The following EAF2 variants were observed in gnomAD, a reference collection of about 807,000 sequenced individuals.
EAF2 encodes the protein ELL associated factor 2.
EAF2 carries 29 observed loss-of-function variants against 29.4 expected under a neutral mutation model. That is an observed-to-expected ratio of 0.99 (90% CI 0.73 to 1.35). The LOEUF (loss-of-function observed/expected upper bound fraction) is 1.35, where lower values mean the gene tolerates loss of function less well. Ranked by LOEUF, EAF2 falls within the 40% of genes most tolerant of loss-of-function variation. EAF2 has a pLI of 0.00. For missense variants in EAF2, 292 were observed against 312.0 expected (o/e 0.94, Z 0.48); for synonymous variants, 103 against 102.5 (o/e 1.00, Z -0.03).
At chr3:121,872,834 G>A in intron 5 of EAF2, 46 bp downstream of exon 5, 1 of 1,577,128 alleles carries the variant, frequency 6.3e-7, no homozygotes, top group Non-Finnish European at 8.6e-7. Flanking sequence ...AGAATTTATA[G>A]TGGAGCCATA....
intron 5 of EAF2, among the ~76,000 whole-genome samples, chr3:121,880,504 A>G (rs1244252177): frequency 6.8e-6 from 1 of 147,976 alleles, no homozygotes; most frequent in Non-Finnish European, 1.5e-5. Context: ...AGCTATTATA[A>G]ATGGGAATGC....
chr3:121,869,659 T>C (rs970410924), intron 4 of EAF2, among the ~76,000 whole-genome samples: 7 of 152,116 alleles, frequency 4.6e-5, no homozygotes, highest in Admixed American at 2.0e-4. Flanking sequence ...AGAGGGTTGC[T>C]TGAGCCCGGG....
At chr3:121,842,024 A>T (rs12486310) in intron 1 of EAF2, among the ~76,000 whole-genome samples, 15,576 of 151,810 alleles carry the variant, frequency 0.1, 842 homozygotes, top group South Asian at 0.16. Context: ...AAAAAATAAA[A>T]AAATAAAAAA....
At chr3:121,838,381 C>G (rs3805129) in intron 1 of EAF2, among the ~76,000 whole-genome samples, 18,513 of 152,102 alleles carry the variant, frequency 0.12, 1,269 homozygotes, top group African/African-American at 0.17. Flanking sequence ...TAGAAGCATA[C>G]AGAAAGTATG....
At chr3:121,866,384 T>C (rs1282874842) in intron 4 of EAF2, among the ~76,000 whole-genome samples, 11 of 152,074 alleles carry the variant, frequency 7.2e-5, no homozygotes, top group Admixed American at 7.2e-4. Flanking sequence ...GAATAAGATA[T>C]AGATCTCCCC....
In EAF2 at chr3:121,864,375, C is replaced by A. The variant is rs113142711; in HGVS notation, c.484+7219C>A. On this transcript the variant is annotated intron_variant, in intron 4 of 5. Coordinates refer to ENST00000273668, the MANE Select transcript of EAF2 (RefSeq NM_018456.6). ...AAGTCCAGAACCCTTGGCGATACAA[C>A]GGGTCTTGAATTTTATTTTTTTTTA... Among the ~76,000 whole-genome samples, 5 of 152,212 alleles carry A rather than the reference C, an allele frequency of 3.3e-5. No homozygotes were observed. The East Asian group carries it at 9.6e-4, about 29-fold the overall frequency.
chr3:121,865,806 A>G (rs111733191), intron 4 of EAF2, among the ~76,000 whole-genome samples: 12 of 152,276 alleles, frequency 7.9e-5, no homozygotes, highest in Non-Finnish European at 1.5e-4. Context: ...TTCTCCTTGC[A>G]TGCCTGGCCT....
chr3:121,868,700 A>T (rs1478067108), intron 4 of EAF2, among the ~76,000 whole-genome samples: 1 of 152,226 alleles, frequency 6.6e-6, no homozygotes, highest in Non-Finnish European at 1.5e-5. Flanking sequence ...TAACAACTGA[A>T]CTGAACTGAG....
At chr3:121,850,595 A>T (rs914090612) in intron 2 of EAF2, among the ~76,000 whole-genome samples, 3 of 152,108 alleles carry the variant, frequency 2.0e-5, no homozygotes, top group Non-Finnish European at 2.9e-5. Flanking sequence ...CCAAGCACCT[A>T]AGTTTTTGCC....
chr3:121,846,984 A>T (rs192044838), intron 2 of EAF2, among the ~76,000 whole-genome samples: 1 of 152,310 alleles, frequency 6.6e-6, no homozygotes, highest in East Asian at 1.9e-4. Flanking sequence ...CAGAAATTGT[A>T]AAGAAATCAT....
intron 1 of EAF2, among the ~76,000 whole-genome samples, chr3:121,843,601 A>G (rs1218782714): frequency 6.6e-6 from 1 of 152,172 alleles, no homozygotes; most frequent in Non-Finnish European, 1.5e-5. Flanking sequence ...AGGGAACTAT[A>G]TATCAGAATT....
chr3:121,845,863 A>T (rs1708521074), intron 2 of EAF2, among the ~76,000 whole-genome samples: 1 of 152,200 alleles, frequency 6.6e-6, no homozygotes, highest in Non-Finnish European at 1.5e-5. Context: ...ACCAAATACT[A>T]TTCGCATACA....
intron 5 of EAF2, among the ~76,000 whole-genome samples, 158 bp from the exon 6 acceptor site, chr3:121,886,184 A>T (rs1414004247): frequency 6.6e-6 from 1 of 152,170 alleles, no homozygotes. Flanking sequence ...ACACAGTATT[A>T]TTTGAGTTAC....
intron 2 of EAF2, among the ~76,000 whole-genome samples, chr3:121,847,682 C>T (rs1206245480): frequency 6.6e-6 from 1 of 152,008 alleles, no homozygotes; most frequent in Non-Finnish European, 1.5e-5. Flanking sequence ...GGGTTCTGTG[C>T]TCCTGAGATT....
chr3:121,849,222 G>C (rs1189826272), intron 2 of EAF2, among the ~76,000 whole-genome samples: 1 of 152,090 alleles, frequency 6.6e-6, no homozygotes, highest in Non-Finnish European at 1.5e-5. Context: ...CCATAAAATA[G>C]AGCTTTTATT....
chr3:121,840,141 G>C (rs1708383967), intron 1 of EAF2, among the ~76,000 whole-genome samples: 1 of 143,344 alleles, frequency 7.0e-6, no homozygotes, highest in East Asian at 2.2e-4. Flanking sequence ...GGTGAGCCGA[G>C]ATCGCGCCGC....
chr3:121,866,809 G>A (rs372345228), intron 4 of EAF2, among the ~76,000 whole-genome samples: 2 of 152,080 alleles, frequency 1.3e-5, no homozygotes, highest in East Asian at 1.9e-4. Context: ...AGAGAATCAC[G>A]TGAATGAGAA....
chr3:121,857,489 CAAA>C (rs1175333816), intron 4 of EAF2, among the ~76,000 whole-genome samples: 1 of 69,134 alleles, frequency 1.4e-5, no homozygotes, highest in Non-Finnish European at 3.0e-5. Context: ...GACTCCATCT[CAAA>C]AAAAAAAAAA....
At chr3:121,874,652 A>G (rs1576655834) in intron 5 of EAF2, among the ~76,000 whole-genome samples, 2 of 151,970 alleles carry the variant, frequency 1.3e-5, no homozygotes, top group Non-Finnish European at 2.9e-5. Context: ...GAAGGGGTTC[A>G]GGATATTTTA....
Sources: allele counts gnomAD v4.1 joint callset (sites outside exome capture counted in the v4.1 genomes callset), GRCh38; gene constraint gnomAD v4.1.1; transcripts MANE v1.5; gene names NCBI Gene and HGNC (gene_info 2026-07-23, HGNC 2026-07-21).